SMTNL2: variants seen among roughly 807,000 people sequenced by gnomAD.
SMTNL2 encodes the protein smoothelin like 2.
In SMTNL2, 43 loss-of-function variants were observed where a neutral mutation model predicts 44.1. The ratio of observed to expected loss-of-function variants is 0.98; its 90% CI spans 0.76 to 1.26. The LOEUF (loss-of-function observed/expected upper bound fraction) is 1.26, where lower values mean the gene tolerates loss of function less well. SMTNL2 is among the 50% of genes most tolerant of loss of function. The pLI is 0.00. For synonymous variants in SMTNL2, 317 were observed against 287.6 expected, an observed-to-expected ratio of 1.10 and a Z score of -1.03; for missense variants, 646 against 670.2, an observed-to-expected ratio of 0.96 and a Z score of 0.40.
chr17:4,593,920 G>A lies in SMTNL2; in HGVS notation c.806+23G>A, dbSNP rs1335685974. The A allele has an allele frequency of 5.0e-6, 8 of 1,613,352 alleles. No individual in the cohort carries two copies. The Admixed American group carries it at 1.0e-4, about 20-fold the overall frequency. ...TAGGTGAGTCAGGGCCTGTGTTCCT[G>A]TGGGGTCGCTGCGCCCCAGGTGTCT... On this transcript the variant is annotated intron_variant, in intron 4 of 7. Coordinates refer to ENST00000389313, the MANE Select transcript of SMTNL2 (RefSeq NM_001114974.2).
chr17:4,597,331 T>C lies in SMTNL2; in HGVS notation c.1259+8T>C. ...GGCTTTCACCATGGCCGAGTGAGTA[T>C]GGTGGCTCCTGCTGGCTACCAGCCC... is the stretch of plus-strand genomic sequence containing the variant. On this transcript the variant is annotated splice_region_variant and intron_variant, in intron 7 of 7. Transcript: ENST00000389313. 4 of 1,613,236 alleles carry C rather than the reference T, an allele frequency of 2.5e-6. No individual in the cohort carries two copies. Among genetic ancestry groups the C allele is most frequent in the African/African-American group, 1.3e-5 (1 of 75,030 alleles).
chr17:4,594,456 T>TAAAC lies in SMTNL2; in HGVS notation c.806+562_806+563insCAAA, dbSNP rs775240527. 1.1e-4 allele frequency among the ~76,000 whole-genome samples: 16 copies of TAAAC among 149,640 alleles called. No homozygotes were observed. The East Asian group carries it at 1.6e-3, about 15-fold the overall frequency. ...AGAGTGAGACTCTATCTACAAAAAA[T>TAAAC]AAATAAATAAATAAATAAATAAATG... On this transcript the variant is annotated intron_variant, in intron 4 of 7. Transcript: ENST00000389313.
Position 4,594,669 on chromosome 17 carries a change from C to T in SMTNL2, c.807-476C>T, listed in dbSNP as rs368459151. Reference sequence around the variant, plus strand: ...CACAGGCCTCCCCCCAGCCAGCCAGCGGGACTGTGATTGGGGATGGGGGTA... The same window carrying T: ...CACAGGCCTCCCCCCAGCCAGCCAGTGGGACTGTGATTGGGGATGGGGGTA... On this transcript the variant is annotated intron_variant, in intron 4 of 7. Transcript: ENST00000389313. Among the ~76,000 whole-genome samples, 23 of 150,860 alleles carry T rather than the reference C, an allele frequency of 1.5e-4. No individual in the cohort carries two copies. The East Asian group carries it at 1.6e-3, about 10-fold the overall frequency.
intron 4 of SMTNL2, among the ~76,000 whole-genome samples, chr17:4,594,691 G>C (rs1360681016): frequency 6.6e-6 from 1 of 151,102 alleles, no homozygotes; most frequent in East Asian, 2.0e-4. Context: ...TGGGGATGGG[G>C]GTAGGGTAGC....
chr17:4,601,767 G>A (rs538476561), intron 7 of SMTNL2, among the ~76,000 whole-genome samples: 28 of 151,744 alleles, frequency 1.8e-4, no homozygotes, highest in African/African-American at 3.6e-4. Context: ...TGATCCTCCC[G>A]TCTCAGCCTC....
At chr17:4,591,538 C>A (rs969446051) in intron 1 of SMTNL2, among the ~76,000 whole-genome samples, 4 of 152,238 alleles carry the variant, frequency 2.6e-5, no homozygotes, top group African/African-American at 2.4e-5. Flanking sequence ...GCAGCACCTA[C>A]CGGGGAGGAC....
At chr17:4,606,803 G>C (rs928757783) in intron 7 of SMTNL2, among the ~76,000 whole-genome samples, 3 of 152,030 alleles carry the variant, frequency 2.0e-5, no homozygotes, top group Non-Finnish European at 4.4e-5. Context: ...CCAGCTACTC[G>C]GGAGGCTGAG....
intron 7 of SMTNL2, among the ~76,000 whole-genome samples, chr17:4,606,863 T>C (rs1189629215): frequency 6.6e-6 from 1 of 152,026 alleles, no homozygotes; most frequent in Non-Finnish European, 1.5e-5. Context: ...TGAGCCAAGA[T>C]TGTGCCACTG....
chr17:4,600,724 G>A lies in SMTNL2; in HGVS notation c.1259+3401G>A, dbSNP rs569412975. Among the ~76,000 whole-genome samples the A allele has an allele frequency of 6.6e-6, 1 of 152,142 alleles. No individual in the cohort carries two copies. Among genetic ancestry groups the A allele is most frequent in the Non-Finnish European group, 1.5e-5 (1 of 68,020 alleles). On this transcript the variant is annotated intron_variant, in intron 7 of 7. Coordinates refer to ENST00000389313, the MANE Select transcript of SMTNL2 (RefSeq NM_001114974.2). The surrounding 1 kb of genome is among the most constrained non-coding windows in gnomAD (Gnocchi z 4.7). ...CCCCTTTTATGGAAGGGGCTGAGTC[G>A]GGCGGGCGCCTGACCCTTCTGCACC...
chr17:4,597,690 T>A (rs755467505), intron 7 of SMTNL2, among the ~76,000 whole-genome samples: 7 of 152,240 alleles, frequency 4.6e-5, no homozygotes, highest in Non-Finnish European at 8.8e-5. Flanking sequence ...GATGGAGAGA[T>A]GCCGTTGCTT....
chr17:4,584,702 G>C lies in SMTNL2; in HGVS notation c.97G>C (p.Glu33Gln), dbSNP rs1485982317. The change falls in exon 1 of 8, where the codon GAG becomes CAG. Residue 33 changes from glutamate (E) to glutamine (Q), a missense_variant. Coordinates refer to ENST00000389313, the MANE Select transcript of SMTNL2 (RefSeq NM_001114974.2). Reference sequence around the variant, plus strand: ...GGAGGGTGCGGTGCGCGCGCTGCACGAGGACATGCGGGGGCTGCAGCGCGG... The same window carrying C: ...GGAGGGTGCGGTGCGCGCGCTGCACCAGGACATGCGGGGGCTGCAGCGCGG... ...ALEGAVRALHEDMRGLQRGVE... is the reference protein window; with the variant it reads ...ALEGAVRALHQDMRGLQRGVE... 8 of 1,295,698 alleles carry C rather than the reference G, an allele frequency of 6.2e-6. No homozygotes were observed. The African/African-American group carries it at 1.1e-4, about 18-fold the overall frequency. The allele number at this position is 1,295,698 out of a possible 1,614,324, so 80.3% of individuals were successfully genotyped here. A position where few individuals can be genotyped will look rare whatever the true frequency, so the allele number is the denominator to read the frequency against.
chr17:4,594,274 C>T (rs1187540270), intron 4 of SMTNL2, among the ~76,000 whole-genome samples: 5 of 152,114 alleles, frequency 3.3e-5, no homozygotes, highest in South Asian at 2.1e-4. Flanking sequence ...CATGGCAAAA[C>T]GCTGTCTCCA....
intron 7 of SMTNL2, among the ~76,000 whole-genome samples, chr17:4,601,002 C>T (rs73333775): frequency 8.9e-4 from 136 of 152,334 alleles, no homozygotes; most frequent in African/African-American, 3.2e-3. Flanking sequence ...AGCTCCCTTA[C>T]AGGACAGCCC....
rs1232133946 is a variant in SMTNL2 at position 4,600,815 on chromosome 17, CG to C, written c.1259+3496del. 3.3e-5 allele frequency among the ~76,000 whole-genome samples: 5 copies of C among 152,178 alleles called. No homozygotes were observed. The highest frequency in any genetic ancestry group is 4.8e-5 in the African/African-American group (2 of 41,444). On this transcript the variant is annotated intron_variant, in intron 7 of 7. Transcript: ENST00000389313. This position sits in a 1 kb window ranked among gnomAD's most constrained non-coding sequence, Gnocchi z 4.7. ...AGCCCCAGGCTTCCCGCTTGCCCTG[CG>C]GGGAATGTGTCCTGCTCTCGGGTTA... is the stretch of plus-strand genomic sequence containing the variant.
chr17:4,585,367 G>A (rs1419988510), intron 1 of SMTNL2, among the ~76,000 whole-genome samples: 1 of 152,198 alleles, frequency 6.6e-6, no homozygotes, highest in Non-Finnish European at 1.5e-5. Flanking sequence ...TGGAATGGTC[G>A]ACACCCCTGC....
chr17:4,584,230 G>C (rs184329043), upstream of SMTNL2: 84 of 177,946 alleles, frequency 4.7e-4, 1 homozygote, highest in Middle Eastern at 8.9e-3. Context: ...TGGGCCTTGC[G>C]GGTGAGAGTC....
intron 7 of SMTNL2, 40 bp downstream of exon 7, chr17:4,597,363 A>C (rs765728310): frequency 9.4e-6 from 15 of 1,603,350 alleles, no homozygotes; most frequent in Non-Finnish European, 1.0e-5. Context: ...GCCCCAGCCC[A>C]GTCCCTGAGC....
chr17:4,584,639 A>G lies in SMTNL2; in HGVS notation c.34A>G (p.Thr12Ala). ...EPAPDAQEAR[T>A]VREALGRYEA... Reference sequence around the variant, plus strand: ...GGCCCCCGACGCCCAGGAGGCGCGCACTGTGCGCGAGGCGCTGGGCCGCTA... The same window carrying G: ...GGCCCCCGACGCCCAGGAGGCGCGCGCTGTGCGCGAGGCGCTGGGCCGCTA... The change falls in exon 1 of 8, where the codon ACT becomes GCT. Residue 12 changes from threonine to alanine, a missense_variant. Thr to Ala is a moderately conservative substitution (Grantham distance 58, BLOSUM62 0). Transcript: ENST00000389313. The G allele has an allele frequency of 7.9e-7, 1 of 1,260,300 alleles. No homozygotes were observed. The highest frequency in any genetic ancestry group is 1.0e-6 in the Non-Finnish European group (1 of 1,004,854). The allele number at this position is 1,260,300 out of a possible 1,614,324, so 78.1% of individuals were successfully genotyped here. A position where few individuals can be genotyped will look rare whatever the true frequency, so the allele number is the denominator to read the frequency against.
Position 4,607,624 on chromosome 17 carries a change from A to C in SMTNL2, c.*137A>C. 7.3e-7 allele frequency: 1 copy of C among 1,366,728 alleles called. No homozygotes were observed. 84.7% of individuals were successfully genotyped at this position (1,366,728 alleles called of 1,614,324 possible). ...TGTTTGTTCTGTGGCATGTGACGGC[A>C]CTCCCCTTCGAGCCCAGCTGTGTTA... On this transcript the variant is annotated 3_prime_UTR_variant, in exon 8 of 8. Transcript: ENST00000389313. The surrounding 1 kb of genome is among the most constrained non-coding windows in gnomAD (Gnocchi z 4.7).
Sources: allele counts gnomAD v4.1 joint callset (sites outside exome capture counted in the v4.1 genomes callset), GRCh38; gene constraint gnomAD v4.1.1; non-coding constraint Gnocchi (gnomAD v3.1); transcripts MANE v1.5; gene names NCBI Gene and HGNC (gene_info 2026-07-23, HGNC 2026-07-21).